Variants in STXBP4 observed in about 807,000 individuals in gnomAD.
STXBP4 encodes the protein syntaxin-binding protein 4.
STXBP4 carries 55 observed loss-of-function variants against 76.1 expected under a neutral mutation model. That is an observed-to-expected ratio of 0.72 (90% confidence interval 0.58 to 0.91). The LOEUF is 0.91. STXBP4 is among the 40% of genes least tolerant of loss of function. The probability of loss-of-function intolerance (pLI) is 0.00; values close to 1 mark genes in which losing one functional copy is unlikely to be tolerated. For missense variants in STXBP4, 618 were observed against 636.9 expected (o/e 0.97, Z 0.32); for synonymous variants, 201 against 220.2 (o/e 0.91, Z 0.77).
intron 1 of STXBP4, among the ~76,000 whole-genome samples, chr17:54,974,684 T>C (rs539212573): frequency 3.3e-5 from 5 of 152,338 alleles, no homozygotes; most frequent in African/African-American, 9.6e-5. Context: ...GGTTCTTGGC[T>C]TGGCCTAGAA....
At chr17:55,092,507 A>G (rs2079428219) in intron 16 of STXBP4, among the ~76,000 whole-genome samples, 1 of 152,202 alleles carries the variant, frequency 6.6e-6, no homozygotes, top group South Asian at 2.1e-4. Context: ...ATGGATGTTC[A>G]ACTTTTACAG....
chr17:55,078,129 C>G lies in STXBP4; in HGVS notation c.1240C>G (p.Arg414Gly). 9 of 1,612,188 alleles carry G rather than the reference C, an allele frequency of 5.6e-6. No individual in the cohort carries two copies. Among genetic ancestry groups the G allele is most frequent in the Non-Finnish European group, 7.6e-6 (9 of 1,179,042 alleles). Reference sequence around the variant, plus strand: ...AATCATGGTACTCGACTGCCAATTACGAAAATCAGAAATGGCTCGAAAAAC... The same window carrying G: ...AATCATGGTACTCGACTGCCAATTAGGAAAATCAGAAATGGCTCGAAAAAC... ...KRIMVLDCQL[R>G]KSEMARKTFE... Residue 414 changes from arginine (R) to glycine (G), a missense_variant, in exon 14 of 18, where the codon CGA (arginine) becomes GGA (glycine). Transcript: ENST00000376352.
chr17:55,162,033 T>C lies in STXBP4; in HGVS notation c.*2122T>C, dbSNP rs1384774434. The C allele has an allele frequency of 1.3e-5, 2 of 152,180 alleles. No individual in the cohort carries two copies. Among genetic ancestry groups the C allele is most frequent in the Non-Finnish European group, 1.5e-5 (1 of 68,046 alleles). 9.4% of individuals were successfully genotyped at this position (152,180 alleles called of 1,614,324 possible). On this transcript the variant is annotated 3_prime_UTR_variant, in exon 18 of 18. Transcript: ENST00000376352. ...TAAGGAACTTTCTAGTAATTAGAGC[T>C]GATAAGAAAAGAATTCCCCAGGAGA...
intron 12 of STXBP4, among the ~76,000 whole-genome samples, chr17:55,049,289 CTT>C (rs1322395108): frequency 7.2e-5 from 11 of 151,778 alleles, no homozygotes; most frequent in African/African-American, 2.7e-4. Flanking sequence ...CCTAAAATAA[CTT>C]TGGAAAATGT....
chr17:55,100,797 G>A (rs2079553834), intron 16 of STXBP4, among the ~76,000 whole-genome samples: 2 of 152,180 alleles, frequency 1.3e-5, no homozygotes, highest in Admixed American at 6.6e-5. Flanking sequence ...ATACAATACA[G>A]CAAAGTCACA....
intron 13 of STXBP4, among the ~76,000 whole-genome samples, chr17:55,075,501 T>C (rs940304372): frequency 2.6e-5 from 4 of 152,186 alleles, no homozygotes; most frequent in Non-Finnish European, 5.9e-5. Context: ...TTTTAGTGCA[T>C]GTATCCTGCT....
intron 1 of STXBP4, among the ~76,000 whole-genome samples, chr17:54,969,416 C>G (rs1289724282): frequency 6.6e-6 from 1 of 152,190 alleles, no homozygotes; most frequent in Non-Finnish European, 1.5e-5. Flanking sequence ...TTTCTAGAAA[C>G]TATAAAATAG....
In STXBP4 at chr17:55,166,959, G is replaced by A. The variant is rs1411040002; in HGVS notation, c.*7048G>A. 6.6e-6 allele frequency: 1 copy of A among 152,232 alleles called. No individual in the cohort carries two copies. The highest frequency in any genetic ancestry group is 1.5e-5 in the Non-Finnish European group (1 of 68,074). The allele number at this position is 152,232 out of a possible 1,614,324, so 9.4% of individuals were successfully genotyped here. On this transcript the variant is annotated 3_prime_UTR_variant, in exon 18 of 18. Transcript: ENST00000376352. ...CTGTTCCACTCAACATCAGTAGCTA[G>A]GTGAGTAAATCAGGTGGAGGTGGGA...
At chr17:55,066,694 A>AT (rs1186641734) in intron 12 of STXBP4, among the ~76,000 whole-genome samples, 1 of 152,056 alleles carries the variant, frequency 6.6e-6, no homozygotes, top group African/African-American at 2.4e-5. Context: ...TGTAAAAAAG[A>AT]TTTTTTAAAA....
At chr17:55,027,237 C>G (rs1646762274) in intron 8 of STXBP4, among the ~76,000 whole-genome samples, 1 of 152,160 alleles carries the variant, frequency 6.6e-6, no homozygotes, top group Admixed American at 6.5e-5. Flanking sequence ...CACGGACTTG[C>G]CTGACCTAGC....
chr17:55,134,116 T>A (rs1039460315), intron 16 of STXBP4, among the ~76,000 whole-genome samples: 3 of 151,918 alleles, frequency 2.0e-5, no homozygotes, highest in Non-Finnish European at 2.9e-5. Flanking sequence ...ATTGAAGTTT[T>A]GAGTAAGTAA....
intron 1 of STXBP4, among the ~76,000 whole-genome samples, chr17:54,979,815 C>T (rs2091922614): frequency 6.6e-6 from 1 of 152,166 alleles, no homozygotes; most frequent in Non-Finnish European, 1.5e-5. Flanking sequence ...TTCTGGTGAT[C>T]ATTTCACTTT....
intron 16 of STXBP4, among the ~76,000 whole-genome samples, chr17:55,089,766 A>G (rs1215506420): frequency 6.6e-6 from 1 of 152,238 alleles, no homozygotes; most frequent in Non-Finnish European, 1.5e-5. Flanking sequence ...TTAGAAATGC[A>G]TAATAAGAAA....
In STXBP4 at chr17:55,167,685, GT is replaced by G. The variant is rs1264576741; in HGVS notation, c.*7776del. The G allele has an allele frequency of 1.3e-5, 2 of 152,238 alleles. No individual in the cohort carries two copies. Among genetic ancestry groups the G allele is most frequent in the South Asian group, 2.1e-4 (1 of 4,832 alleles). 9.4% of individuals were successfully genotyped at this position (152,238 alleles called of 1,614,324 possible). On this transcript the variant is annotated 3_prime_UTR_variant, in exon 18 of 18. Coordinates refer to ENST00000376352, the MANE Select transcript of STXBP4 (RefSeq NM_178509.6). ...CATTTCAGAGCAGCAGCAAACTTCT[GT>G]TCTTATGGGTTAATTAATCATGTTA...
chr17:54,997,816 G>A (rs1159186788), intron 4 of STXBP4, among the ~76,000 whole-genome samples: 8 of 146,900 alleles, frequency 5.4e-5, no homozygotes, highest in Admixed American at 3.5e-4. Context: ...TTGAACTCCT[G>A]GGCTCAAGCA....
At chr17:55,014,406 G>A (rs1300729450) in intron 8 of STXBP4, among the ~76,000 whole-genome samples, 2 of 152,144 alleles carry the variant, frequency 1.3e-5, no homozygotes, top group Non-Finnish European at 2.9e-5. Context: ...AATTAGAAAA[G>A]CATGTGAAAA....
chr17:54,986,009 C>T (rs1264653266), intron 2 of STXBP4, 133 bp from the exon 3 acceptor site: 1 of 538,614 alleles, frequency 1.9e-6, no homozygotes, highest in Non-Finnish European at 3.3e-6. Context: ...AAAATACATA[C>T]AATACATCTA....
chr17:55,085,223 G>C (rs1225203638), intron 16 of STXBP4, among the ~76,000 whole-genome samples: 1 of 152,084 alleles, frequency 6.6e-6, no homozygotes, highest in African/African-American at 2.4e-5. Flanking sequence ...TGGGTGGAGG[G>C]GGGAGGGATG....
chr17:55,053,892 G>C (rs368047367), intron 12 of STXBP4, among the ~76,000 whole-genome samples: 1 of 151,946 alleles, frequency 6.6e-6, no homozygotes, highest in African/African-American at 2.4e-5. Flanking sequence ...TCTCCTAAAG[G>C]CTTGGAATAT....
Sources: gnomAD v4.1 joint callset for allele counts (sites outside exome capture counted in the v4.1 genomes callset) on GRCh38, gnomAD v4.1.1 for gene constraint, MANE v1.5 for transcripts, NCBI Gene and HGNC (gene_info 2026-07-23, HGNC 2026-07-21) for gene names.